Variants in KCNK6 observed in about 807,000 individuals in gnomAD.
KCNK6 encodes the protein potassium two pore domain channel subfamily K member 6, also known as potassium channel subfamily K member 6.
Under a neutral mutation model 21.9 loss-of-function variants are expected in KCNK6, and 20 were observed. That is an observed-to-expected ratio of 0.91 (90% CI 0.64 to 1.32). KCNK6 has a LOEUF of 1.32. Ranked by LOEUF, KCNK6 falls within the 40% of genes most tolerant of loss-of-function variation. KCNK6 has a pLI of 0.00. For missense variants in KCNK6, 415 were observed against 433.1 expected (o/e 0.96, Z 0.37); for synonymous variants, 210 against 218.0 (o/e 0.96, Z 0.32).
chr19:38,320,143 C>T lies in KCNK6; in HGVS notation c.193C>T (p.Arg65Ter). The T allele has an allele frequency of 6.3e-7, 1 of 1,592,998 alleles. No individual in the cohort carries two copies. The highest frequency in any genetic ancestry group is 1.1e-5 in the South Asian group (1 of 90,174). Residue 65 changes from arginine to a stop codon, truncating the protein, a stop_gained, in exon 1 of 3, where the codon CGA becomes TGA. Coordinates refer to ENST00000263372, the MANE Select transcript of KCNK6 (RefSeq NM_004823.3). LOFTEE classifies it high-confidence loss of function. The part of the protein sequence containing the change: ...AAPALDAFVE[R>*]VLAAGRLGRV... ...CCCCGCCCTGGACGCCTTCGTGGAG[C>T]GAGTGCTGGCGGCCGGACGGCTGGG... is the stretch of plus-strand genomic sequence containing the variant.
Position 38,320,233 on chromosome 19 carries a change from T to C in KCNK6, c.283T>C (p.Ser95Pro), listed in dbSNP as rs750190779. 1.2e-6 allele frequency: 2 copies of C among 1,605,672 alleles called. No individual in the cohort carries two copies. Among genetic ancestry groups the C allele is most frequent in the Non-Finnish European group, 1.7e-6 (2 of 1,179,782 alleles). Reference sequence around the variant, plus strand: ...CTCGGACCCCGCCTGGGACTTCGCCTCTGCTCTCTTCTTCGCCAGCACGCT... The same window carrying C: ...CTCGGACCCCGCCTGGGACTTCGCCCCTGCTCTCTTCTTCGCCAGCACGCT... ...NASDPAWDFA[S>P]ALFFASTLIT... Residue 95 changes from serine (S) to proline (P), a missense_variant, in exon 1 of 3, where the codon TCT (serine) becomes CCT (proline). Coordinates refer to ENST00000263372, the MANE Select transcript of KCNK6 (RefSeq NM_004823.3).
rs1230262509 is a variant in KCNK6 at position 38,319,974 on chromosome 19, G to T, written c.24G>T (p.Ala8=). 3 of 1,464,046 alleles carry T rather than the reference G, an allele frequency of 2.0e-6. No individual in the cohort carries two copies. Among genetic ancestry groups the T allele is most frequent in the South Asian group, 1.3e-5 (1 of 74,308 alleles). 90.7% of individuals were successfully genotyped at this position (1,464,046 alleles called of 1,614,324 possible). A position where few individuals can be genotyped will look rare whatever the true frequency, so the allele number is the denominator to read the frequency against. Residue 8 remains alanine (A), a synonymous_variant, in exon 1 of 3, where the codon GCG becomes GCT. Coordinates refer to ENST00000263372, the MANE Select transcript of KCNK6 (RefSeq NM_004823.3). ...CCATGCGGAGGGGCGCGCTTCTGGC[G>T]GGCGCCTTGGCCGCGTACGCCGCGT... MRRGALL[A]GALAAYAAYL...
In KCNK6 at chr19:38,327,283, G is replaced by A. The variant is rs142781541; in HGVS notation, c.822G>A (p.Pro274=). The A allele has an allele frequency of 8.5e-4, 1,369 of 1,613,642 alleles. 10 individuals are homozygous for A. The highest frequency in any genetic ancestry group is 1.9e-3 in the African/African-American group (142 of 75,038). ...GLTELILLPP[P]CPASFNADED... Reference sequence around the variant, plus strand: ...CGGAGCTCATCCTGCTGCCCCCTCCGTGCCCTGCCAGTTTCAATGCGGATG... The same window carrying A: ...CGGAGCTCATCCTGCTGCCCCCTCCATGCCCTGCCAGTTTCAATGCGGATG... The change falls in exon 3 of 3, where the codon CCG becomes CCA. Residue 274 remains proline (P), a synonymous_variant. Transcript: ENST00000263372.
rs140739963 is a variant in KCNK6, at chr19:38,326,687, C to T, written c.417C>T (p.Thr139=). 930 of 1,606,702 alleles carry T rather than the reference C, an allele frequency of 5.8e-4. 3 individuals are homozygous for T. The African/African-American group carries it at 0.011, about 19-fold the overall frequency. ...TGCCGACCACCATGCTGCTGCTGACCGCCTCAGCCCAGCGCCTGTCACTGC... is the reference window on the plus strand; with the variant it reads ...TGCCGACCACCATGCTGCTGCTGACTGCCTCAGCCCAGCGCCTGTCACTGC... ...LGVPTTMLLL[T]ASAQRLSLLL... is the part of the protein sequence containing the mutation. The change falls in exon 2 of 3, where the codon ACC becomes ACT. Residue 139 remains threonine (T), a synonymous_variant. Coordinates refer to ENST00000263372, the MANE Select transcript of KCNK6 (RefSeq NM_004823.3).
Position 38,327,113 on chromosome 19 carries a change from A to G in KCNK6, c.719-67A>G, listed in dbSNP as rs1385493444. 35 of 1,584,158 alleles carry G rather than the reference A, an allele frequency of 2.2e-5. No homozygotes were observed. The Admixed American group carries it at 5.5e-4, about 25-fold the overall frequency. Reference sequence around the variant, plus strand: ...CCAACCCCACCCTGCAGGGTCCAGTAGAACTGCGGCCCCGCCTGGAAAATC... The same window carrying G: ...CCAACCCCACCCTGCAGGGTCCAGTGGAACTGCGGCCCCGCCTGGAAAATC... On this transcript the variant is annotated intron_variant, in intron 2 of 2. Transcript: ENST00000263372.
In KCNK6 at chr19:38,331,692, A is replaced by G. The variant is rs1969769708; in HGVS notation, c.*4289A>G. Reference sequence around the variant, plus strand: ...TCAGGTACTAAAGAGTGTACGGTGGAAAGTAAGTCTTTCTCCTACACTCAG... The same window carrying G: ...TCAGGTACTAAAGAGTGTACGGTGGGAAGTAAGTCTTTCTCCTACACTCAG... On this transcript the variant is annotated 3_prime_UTR_variant, in exon 3 of 3. Transcript: ENST00000263372. The G allele has an allele frequency of 6.6e-6, 1 of 152,058 alleles. No homozygotes were observed. The highest frequency in any genetic ancestry group is 6.6e-5 in the Admixed American group (1 of 15,248). 9.4% of individuals were successfully genotyped at this position (152,058 alleles called of 1,614,324 possible).
At chr19:38,324,113 A>C (rs1969682422) in intron 1 of KCNK6, among the ~76,000 whole-genome samples, 2 of 151,364 alleles carry the variant, frequency 1.3e-5, no homozygotes, top group Non-Finnish European at 1.5e-5. Flanking sequence ...TTTTTTTTAC[A>C]GAGATAGGGT....
In KCNK6 at chr19:38,328,701, G is replaced by T. The variant is rs1360192122; in HGVS notation, c.*1298G>T. On this transcript the variant is annotated 3_prime_UTR_variant, in exon 3 of 3. Coordinates refer to ENST00000263372, the MANE Select transcript of KCNK6 (RefSeq NM_004823.3). ...CAACAACCACAAAATCTAAAAATTA[G>T]CTGGGTGTGGTGGTGCATGCCTGTG... is the stretch of plus-strand genomic sequence containing the variant. 6.6e-6 allele frequency: 1 copy of T among 152,038 alleles called. No homozygotes were observed. The highest frequency in any genetic ancestry group is 1.5e-5 in the Non-Finnish European group (1 of 68,024). The allele number at this position is 152,038 out of a possible 1,614,324, so 9.4% of individuals were successfully genotyped here.
In KCNK6 at chr19:38,330,409, G is replaced by A. The variant is rs918857419; in HGVS notation, c.*3006G>A. The A allele has an allele frequency of 6.6e-6, 1 of 151,666 alleles. No individual in the cohort carries two copies. The highest frequency in any genetic ancestry group is 1.5e-5 in the Non-Finnish European group (1 of 68,004). 9.4% of individuals were successfully genotyped at this position (151,666 alleles called of 1,614,324 possible). On this transcript the variant is annotated 3_prime_UTR_variant, in exon 3 of 3. Coordinates refer to ENST00000263372, the MANE Select transcript of KCNK6 (RefSeq NM_004823.3). ...AAATCGTAGTACTTTGGGAGGCCGA[G>A]GCAGGAGGATTGCCTGAGCCCAGGG...
intron 1 of KCNK6, among the ~76,000 whole-genome samples, chr19:38,320,774 G>T (rs1969642919): frequency 6.6e-6 from 1 of 152,052 alleles, no homozygotes; most frequent in Non-Finnish European, 1.5e-5. Flanking sequence ...GGCCAGGCTG[G>T]TCCCAAACTC....
Position 38,326,724 on chromosome 19 carries a change from G to T in KCNK6, c.454G>T (p.Val152Leu), listed in dbSNP as rs140746979. 6.2e-7 allele frequency: 1 copy of T among 1,604,592 alleles called. No homozygotes were observed. The highest frequency in any genetic ancestry group is 1.3e-5 in the African/African-American group (1 of 74,924). ...AQRLSLLLTHVPLSWLSMRWG... is the reference protein window; with the variant it reads ...AQRLSLLLTHLPLSWLSMRWG... ...GCGCCTGTCACTGCTGCTGACTCACGTGCCCCTGTCTTGGCTGAGCATGCG... is the reference window on the plus strand; with the variant it reads ...GCGCCTGTCACTGCTGCTGACTCACTTGCCCCTGTCTTGGCTGAGCATGCG... Residue 152 changes from valine (V) to leucine (L), a missense_variant, in exon 2 of 3, where the codon GTG becomes TTG. By Grantham distance (32) the Val-to-Leu change is conservative. Transcript: ENST00000263372.
At chr19:38,325,329 C>A in intron 1 of KCNK6, 1 of 834,442 alleles carries the variant, frequency 1.2e-6, no homozygotes, top group Non-Finnish European at 1.4e-6. Flanking sequence ...ATTGGTCAGG[C>A]TAGTCTTGAA....
In KCNK6 at chr19:38,327,690, T is replaced by G. The variant is rs1969728219; in HGVS notation, c.*287T>G. The stretch of plus-strand genomic sequence containing the variant: ...GGCTCTCTGGCATTCTCGCTGCCTC[T>G]GTCTTTCCCTCTTGCTGTCTCTGTT... On this transcript the variant is annotated 3_prime_UTR_variant, in exon 3 of 3. Coordinates refer to ENST00000263372, the MANE Select transcript of KCNK6 (RefSeq NM_004823.3). 2.1e-6 allele frequency: 1 copy of G among 478,344 alleles called. No individual in the cohort carries two copies. The highest frequency in any genetic ancestry group is 3.8e-6 in the Non-Finnish European group (1 of 262,720). The allele number at this position is 478,344 out of a possible 1,614,324, so 29.6% of individuals were successfully genotyped here. A position where few individuals can be genotyped will look rare whatever the true frequency, so the allele number is the denominator to read the frequency against.
Position 38,319,882 on chromosome 19 carries a change from C to A in KCNK6, c.-69C>A, listed in dbSNP as rs1264500666. 11 of 1,329,382 alleles carry A rather than the reference C, an allele frequency of 8.3e-6. No homozygotes were observed. Among genetic ancestry groups the A allele is most frequent in the Non-Finnish European group, 1.1e-5 (11 of 1,038,778 alleles). The allele number at this position is 1,329,382 out of a possible 1,614,324, so 82.3% of individuals were successfully genotyped here. On this transcript the variant is annotated 5_prime_UTR_variant, in exon 1 of 3. Transcript: ENST00000263372. ...GCACTCCCGGAACTGGAACTAGGTG[C>A]CAGACGGTCCGGAGGCGGGGGCCAC...
intron 1 of KCNK6, chr19:38,325,649 C>T (rs1047155125): frequency 1.8e-6 from 1 of 551,638 alleles, no homozygotes; most frequent in African/African-American, 2.1e-5. Context: ...AGGATGTTAC[C>T]ATTTAGGGTG....
intron 1 of KCNK6, 87 bp from the exon 2 acceptor site, chr19:38,326,506 G>A: frequency 1.4e-6 from 2 of 1,430,184 alleles, no homozygotes; most frequent in Non-Finnish European, 1.9e-6. Flanking sequence ...AGCTATGATG[G>A]CACCGCTGCA....
chr19:38,319,993 G>A lies in KCNK6; in HGVS notation c.43G>A (p.Ala15Thr). 6.8e-7 allele frequency: 1 copy of A among 1,476,844 alleles called. No individual in the cohort carries two copies. The highest frequency in any genetic ancestry group is 8.9e-7 in the Non-Finnish European group (1 of 1,124,044). 91.5% of individuals were successfully genotyped at this position (1,476,844 alleles called of 1,614,324 possible). ...ALLAGALAAY[A>T]AYLVLGALLV... The stretch of plus-strand genomic sequence containing the variant: ...TCTGGCGGGCGCCTTGGCCGCGTAC[G>A]CCGCGTACCTGGTGCTGGGCGCGCT... Residue 15 changes from alanine (A) to threonine (T), a missense_variant, in exon 1 of 3, where the codon GCC (alanine) becomes ACC (threonine). By Grantham distance (58) the Ala-to-Thr change is moderately conservative. Coordinates refer to ENST00000263372, the MANE Select transcript of KCNK6 (RefSeq NM_004823.3).
chr19:38,327,363 C>G lies in KCNK6; in HGVS notation c.902C>G (p.Ser301Cys). The G allele has an allele frequency of 6.2e-7, 1 of 1,611,856 alleles. No homozygotes were observed. The highest frequency in any genetic ancestry group is 2.2e-5 in the East Asian group (1 of 44,878). Residue 301 changes from serine (S) to cysteine (C), a missense_variant, in exon 3 of 3, where the codon TCT becomes TGT. Transcript: ENST00000263372. ...GPQPESHQQL[S>C]ASSHTDYASI... ...CAGCCGGAGTCGCACCAGCAACTCT[C>G]TGCCAGCTCCCACACCGACTACGCT...
intron 1 of KCNK6, chr19:38,325,468 A>G (rs1969698156): frequency 2.0e-6 from 2 of 985,424 alleles, no homozygotes; most frequent in Non-Finnish European, 2.4e-6. Context: ...GCCAGGCAAG[A>G]GCCTGCACCC....
Sources: gnomAD v4.1 joint callset for allele counts (sites outside exome capture counted in the v4.1 genomes callset) on GRCh38, gnomAD v4.1.1 for gene constraint, MANE v1.5 for transcripts, NCBI Gene and HGNC (gene_info 2026-07-23, HGNC 2026-07-21) for gene names.